Variants in PPA2 observed in about 807,000 individuals in gnomAD.
PPA2 encodes the protein inorganic pyrophosphatase 2, also known as inorganic pyrophosphatase 2, mitochondrial.
In PPA2, 48 loss-of-function variants were observed where a neutral mutation model predicts 49.5. The observed-to-expected ratio is 0.97, with a 90% CI of 0.77 to 1.23. PPA2 has a LOEUF of 1.23. Among genes scored for constraint, PPA2 ranks in the 50% most tolerant of loss-of-function variants. The pLI is 0.00. For missense variants in PPA2, 429 were observed against 410.1 expected (o/e 1.05, Z -0.40); for synonymous variants, 131 against 139.9 (o/e 0.94, Z 0.45).
intron 7 of PPA2, among the ~76,000 whole-genome samples, chr4:105,421,075 A>G (rs1215610837): frequency 6.6e-6 from 1 of 152,152 alleles, no homozygotes; most frequent in Non-Finnish European, 1.5e-5. Flanking sequence ...TGTAGAAACC[A>G]AATGCTCTAA....
chr4:105,384,387 C>A (rs1733604459), intron 10 of PPA2, among the ~76,000 whole-genome samples: 1 of 152,130 alleles, frequency 6.6e-6, no homozygotes, highest in Non-Finnish European at 1.5e-5. Context: ...TCTAATCTAA[C>A]TAGATCACAT....
Position 105,453,645 on chromosome 4 carries a change from A to G in PPA2, c.223-3T>C, listed in dbSNP as rs775002221. On this transcript the variant is annotated splice_region_variant and splice_polypyrimidine_tract_variant and intron_variant, in intron 2 of 11. Coordinates refer to ENST00000341695, the MANE Select transcript of PPA2 (RefSeq NM_176869.3). ...TTCTTCATAGGAATGCCATTTTCCTATAAAAGAAAAGATGGTGAAAGACTG... is the reference window on the plus strand; with the variant it reads ...TTCTTCATAGGAATGCCATTTTCCTGTAAAAGAAAAGATGGTGAAAGACTG... 3 of 1,604,614 alleles carry G rather than the reference A, an allele frequency of 1.9e-6. No individual in the cohort carries two copies. The highest frequency in any genetic ancestry group is 2.7e-5 in the African/African-American group (2 of 74,580).
At chr4:105,417,333 A>C (rs11721982) in intron 7 of PPA2, among the ~76,000 whole-genome samples, 5,093 of 152,290 alleles carry the variant, frequency 0.033, 100 homozygotes, top group Middle Eastern at 0.11. Context: ...CAACAAGCTA[A>C]AAATAATAGA....
At chr4:105,407,926 A>T (rs1343051347) in intron 7 of PPA2, among the ~76,000 whole-genome samples, 2 of 152,182 alleles carry the variant, frequency 1.3e-5, no homozygotes, top group African/African-American at 4.8e-5. Context: ...TAGTTGCTAG[A>T]AGACTATATA....
chr4:105,447,074 A>G (rs768698761), intron 4 of PPA2, among the ~76,000 whole-genome samples: 1 of 152,158 alleles, frequency 6.6e-6, no homozygotes, highest in African/African-American at 2.4e-5. Context: ...TGATGATATG[A>G]TCTTATATAT....
rs202153771 is a variant in PPA2 at position 105,398,998 on chromosome 4, T to C, written c.783+39A>G. On this transcript the variant is annotated intron_variant, in intron 8 of 11. Transcript: ENST00000341695. The stretch of plus-strand genomic sequence containing the variant: ...AAGTGAAACGAATATTGTACAGGTA[T>C]CAGGAGGTACATTTTAAAATAAAGA... The C allele has an allele frequency of 6.1e-4, 975 of 1,589,980 alleles. 18 individuals carry two copies. In the South Asian group the frequency reaches 0.011, roughly 17 times the overall value.
chr4:105,385,980 A>T (rs1733664286), intron 10 of PPA2, among the ~76,000 whole-genome samples: 1 of 151,542 alleles, frequency 6.6e-6, no homozygotes, highest in Non-Finnish European at 1.5e-5. Flanking sequence ...CCCAGGTTCA[A>T]GTGATTCTTG....
At position 105,455,988 on chromosome 4, in the gene PPA2, T is replaced by C. The variant is rs543793119; in HGVS notation, c.222+693A>G. 5.2e-4 allele frequency: 130 copies of C among 250,176 alleles called. 2 individuals carry two copies. Among genetic ancestry groups the C allele is most frequent in the Middle Eastern group, 1.8e-3 (4 of 2,170 alleles). The allele number at this position is 250,176 out of a possible 1,614,324, so 15.5% of individuals were successfully genotyped here. ...CCTACAACTTAATGATGATCATGAA[T>C]ACTACCAAATATGCCATATTACCAA... On this transcript the variant is annotated intron_variant, in intron 2 of 11. Coordinates refer to ENST00000341695, the MANE Select transcript of PPA2 (RefSeq NM_176869.3).
intron 1 of PPA2, among the ~76,000 whole-genome samples, chr4:105,468,202 C>T (rs561958956): frequency 6.6e-6 from 1 of 152,292 alleles, no homozygotes; most frequent in African/African-American, 2.4e-5. Context: ...TTCGCAAAAC[C>T]TAAAGTATTC....
chr4:105,390,707 A>G (rs1207167369), intron 9 of PPA2, among the ~76,000 whole-genome samples: 13 of 152,248 alleles, frequency 8.5e-5, no homozygotes, highest in Admixed American at 3.3e-4. Context: ...GAGGCTGTGG[A>G]GAAATAGGAA....
chr4:105,393,494 T>C (rs1455408895), intron 9 of PPA2, among the ~76,000 whole-genome samples: 37 of 40,056 alleles, frequency 9.2e-4, no homozygotes, highest in African/African-American at 2.1e-3. Flanking sequence ...AAAATAATAA[T>C]AATAATAATA....
chr4:105,472,368 T>G (rs531733183), intron 1 of PPA2, among the ~76,000 whole-genome samples: 3 of 152,218 alleles, frequency 2.0e-5, no homozygotes, highest in African/African-American at 7.2e-5. Flanking sequence ...TCCATAATTA[T>G]AGTAATATTG....
chr4:105,452,779 G>C (rs749224735), intron 3 of PPA2, among the ~76,000 whole-genome samples: 1 of 152,148 alleles, frequency 6.6e-6, no homozygotes, highest in Admixed American at 6.5e-5. Context: ...CTTGTAGCAG[G>C]AGATGGAATG....
At chr4:105,398,888 T>C in intron 8 of PPA2, 149 bp downstream of exon 8, 1 of 661,520 alleles carries the variant, frequency 1.5e-6, no homozygotes, top group Non-Finnish European at 2.3e-6. Context: ...ATTTAAATAA[T>C]AAAATAATGT....
At chr4:105,377,904 T>C (rs1054863880) in intron 10 of PPA2, among the ~76,000 whole-genome samples, 1 of 152,160 alleles carries the variant, frequency 6.6e-6, no homozygotes, top group African/African-American at 2.4e-5. Context: ...GTATTCCTCA[T>C]AAATATACTA....
At chr4:105,376,423 T>G (rs1203839039) in intron 10 of PPA2, among the ~76,000 whole-genome samples, 2 of 152,202 alleles carry the variant, frequency 1.3e-5, no homozygotes, top group Non-Finnish European at 2.9e-5. Context: ...CCCTTGACTT[T>G]TTTACTTCAA....
In PPA2 at chr4:105,473,999, G is replaced by A. The variant is rs114456625; in HGVS notation, c.52C>T (p.Leu18=). ...LRTGAPAAAC[L]RLGTSAGTGS... is the part of the protein sequence containing the mutation. ...GTCCCTGCACTGGTCCCCAACCGCAGGCACGCAGCGGCTGGGGCACCCGTG... is the reference window on the plus strand; with the variant it reads ...GTCCCTGCACTGGTCCCCAACCGCAAGCACGCAGCGGCTGGGGCACCCGTG... The change falls in exon 1 of 12, where the codon CTG becomes TTG. Residue 18 remains leucine, a synonymous_variant. Transcript: ENST00000341695. The A allele has an allele frequency of 6.2e-7, 1 of 1,606,318 alleles. No individual in the cohort carries two copies. The highest frequency in any genetic ancestry group is 1.1e-5 in the South Asian group (1 of 90,284).
chr4:105,388,465 T>G (rs1356952205), intron 9 of PPA2, among the ~76,000 whole-genome samples: 1 of 152,156 alleles, frequency 6.6e-6, no homozygotes, highest in African/African-American at 2.4e-5. Context: ...ATAAAATGTC[T>G]TGACAAGTAA....
intron 5 of PPA2, among the ~76,000 whole-genome samples, chr4:105,442,641 G>T (rs1724421226): frequency 1.3e-5 from 2 of 152,158 alleles, no homozygotes; most frequent in Non-Finnish European, 2.9e-5. Flanking sequence ...ATGAATTTTT[G>T]CCCAGGGAAG....
Sources: gnomAD v4.1 joint callset for allele counts (sites outside exome capture counted in the v4.1 genomes callset) on GRCh38, gnomAD v4.1.1 for gene constraint, MANE v1.5 for transcripts, NCBI Gene and HGNC (gene_info 2026-07-23, HGNC 2026-07-21) for gene names.